Variants in LRRC7 observed in about 807,000 individuals in gnomAD.
The protein encoded by LRRC7 is leucine rich repeat containing 7, also known as leucine-rich repeat-containing protein 7.
LRRC7 carries 23 observed loss-of-function variants against 175.7 expected under a neutral mutation model. The ratio of observed to expected loss-of-function variants is 0.13; its 90% confidence interval spans 0.09 to 0.19. The LOEUF is 0.19. LRRC7 is among the 10% of genes least tolerant of loss of function. The probability of loss-of-function intolerance (pLI) is 1.00; values close to 1 mark genes in which losing one functional copy is unlikely to be tolerated. For missense variants in LRRC7, 1,354 were observed against 1,904.7 expected, an observed-to-expected ratio of 0.71 and a Z score of 5.38; for synonymous variants, 685 against 680.9, an observed-to-expected ratio of 1.01 and a Z score of -0.09.
At chr1:69,940,147 A>AT (rs1243272995) in intron 8 of LRRC7, among the ~76,000 whole-genome samples, 1 of 152,148 alleles carries the variant, frequency 6.6e-6, no homozygotes, top group African/African-American at 2.4e-5. Context: ...GCTGAAACTA[A>AT]TTACAGAGAT....
intron 2 of LRRC7, among the ~76,000 whole-genome samples, chr1:69,729,655 C>A (rs1281467482): frequency 1.3e-5 from 2 of 152,216 alleles, no homozygotes; most frequent in Non-Finnish European, 2.9e-5. Context: ...TACAGCCCCC[C>A]TCCAGGCTGC....
chr1:69,938,864 T>G (rs1484509616), intron 8 of LRRC7, among the ~76,000 whole-genome samples: 1 of 151,304 alleles, frequency 6.6e-6, no homozygotes, highest in Non-Finnish European at 1.5e-5. Flanking sequence ...TACACACTTT[T>G]TAAAAAGAGC....
At position 70,133,684 on chromosome 1, in the gene LRRC7, C is replaced by T. The variant is rs1235537826; in HGVS notation, c.*11797C>T. On this transcript the variant is annotated 3_prime_UTR_variant, in exon 27 of 27. Transcript: ENST00000651989. The stretch of plus-strand genomic sequence containing the variant: ...TAAACCTCTCAGATTGTATCAATCA[C>T]CCAAAACCTAATGAGACAGAAACCA... 6.6e-6 allele frequency among the ~76,000 whole-genome samples: 1 copy of T among 152,146 alleles called. No homozygotes were observed.
chr1:69,952,998 A>G (rs1245872934), intron 8 of LRRC7, among the ~76,000 whole-genome samples: 1 of 91,252 alleles, frequency 1.1e-5, no homozygotes, highest in Non-Finnish European at 1.9e-5. Context: ...GAGACAAGGC[A>G]AAAAAAAAAA....
chr1:69,841,077 G>A (rs749190561), intron 7 of LRRC7, among the ~76,000 whole-genome samples: 3 of 151,998 alleles, frequency 2.0e-5, no homozygotes, highest in Admixed American at 6.6e-5. Flanking sequence ...CTAGATTCTC[G>A]GTGATGCTGT....
At chr1:69,927,541 A>G (rs1647122635) in intron 7 of LRRC7, among the ~76,000 whole-genome samples, 1 of 151,872 alleles carries the variant, frequency 6.6e-6, no homozygotes, top group Non-Finnish European at 1.5e-5. Context: ...TTCCCTTCTC[A>G]CTTCATTTCA....
intron 1 of LRRC7, among the ~76,000 whole-genome samples, chr1:69,568,998 T>C (rs1342676470): frequency 6.6e-6 from 1 of 152,154 alleles, no homozygotes; most frequent in Non-Finnish European, 1.5e-5. Flanking sequence ...TCCTCGTTAT[T>C]ATCTTGGGTA....
intron 7 of LRRC7, among the ~76,000 whole-genome samples, chr1:69,863,214 T>C (rs1283095594): frequency 6.6e-6 from 1 of 152,208 alleles, no homozygotes; most frequent in Admixed American, 6.5e-5. Flanking sequence ...TCCTTTTTTA[T>C]CATTTAAATC....
chr1:69,730,985 A>G (rs935024890), intron 2 of LRRC7, among the ~76,000 whole-genome samples: 3 of 152,078 alleles, frequency 2.0e-5, no homozygotes, highest in Non-Finnish European at 4.4e-5. Context: ...GCCGAGAAAA[A>G]GGGGAAAAAG....
At chr1:69,580,655 A>C (rs1646160251) in intron 1 of LRRC7, among the ~76,000 whole-genome samples, 1 of 152,142 alleles carries the variant, frequency 6.6e-6, no homozygotes, top group Non-Finnish European at 1.5e-5. Flanking sequence ...CAGTTTAATA[A>C]ATTTTACTAA....
chr1:69,795,596 A>C (rs1226079136), intron 4 of LRRC7, among the ~76,000 whole-genome samples: 1 of 152,172 alleles, frequency 6.6e-6, no homozygotes, highest in African/African-American at 2.4e-5. Context: ...GACAGGACAT[A>C]ATAGACTATT....
intron 2 of LRRC7, among the ~76,000 whole-genome samples, chr1:69,678,846 C>G (rs902208177): frequency 1.9e-4 from 29 of 152,214 alleles, no homozygotes; most frequent in African/African-American, 5.5e-4. Flanking sequence ...TCAACACTTT[C>G]CAGTTTCCAT....
At chr1:69,606,653 C>T (rs1460505748) in intron 1 of LRRC7, among the ~76,000 whole-genome samples, 1 of 151,970 alleles carries the variant, frequency 6.6e-6, no homozygotes, top group Non-Finnish European at 1.5e-5. Flanking sequence ...TTATTAAAGG[C>T]TTAAGGTAAA....
intron 1 of LRRC7, among the ~76,000 whole-genome samples, chr1:69,627,409 T>G (rs368489700): frequency 6.6e-6 from 1 of 152,302 alleles, no homozygotes; most frequent in South Asian, 2.1e-4. Flanking sequence ...TCGCCCACTT[T>G]TTGATGGGGT....
Position 70,142,375 on chromosome 1 carries a change from TTC to T in LRRC7, c.*20492_*20493del, listed in dbSNP as rs1667097366. 6.6e-6 allele frequency: 1 copy of T among 152,146 alleles called. No homozygotes were observed. Among genetic ancestry groups the T allele is most frequent in the South Asian group, 2.1e-4 (1 of 4,832 alleles). 9.4% of individuals were successfully genotyped at this position (152,146 alleles called of 1,614,324 possible). A position where few individuals can be genotyped will look rare whatever the true frequency, so the allele number is the denominator to read the frequency against. On this transcript the variant is annotated 3_prime_UTR_variant, in exon 27 of 27. Transcript: ENST00000651989. The stretch of plus-strand genomic sequence containing the variant: ...CTTCGGCTTTATAATGTTTGGGCAT[TTC>T]TCTTTAACATCCTCAAATACACTTT...
At chr1:70,008,948 T>C (rs956888364) in intron 11 of LRRC7, among the ~76,000 whole-genome samples, 2 of 152,194 alleles carry the variant, frequency 1.3e-5, no homozygotes, top group African/African-American at 4.8e-5. Context: ...GAGATGCAGT[T>C]ACTCATCTGA....
At chr1:69,704,403 G>A (rs1013434905) in intron 2 of LRRC7, among the ~76,000 whole-genome samples, 6 of 151,870 alleles carry the variant, frequency 4.0e-5, no homozygotes, top group Non-Finnish European at 8.8e-5. Flanking sequence ...CTGATCTTAA[G>A]GAATAATCCA....
intron 3 of LRRC7, among the ~76,000 whole-genome samples, chr1:69,763,382 G>A (rs1028167243): frequency 2.6e-5 from 4 of 152,164 alleles, no homozygotes; most frequent in Non-Finnish European, 4.4e-5. Flanking sequence ...TTCTGAGAAG[G>A]ACAAAATATG....
intron 4 of LRRC7, among the ~76,000 whole-genome samples, chr1:69,819,394 C>A (rs1186301690): frequency 6.6e-6 from 1 of 151,858 alleles, no homozygotes; most frequent in Non-Finnish European, 1.5e-5. Flanking sequence ...TTAGTGATTT[C>A]TGGTTTTATA....
Sources: gnomAD v4.1 joint callset for allele counts (sites outside exome capture counted in the v4.1 genomes callset) on GRCh38, gnomAD v4.1.1 for gene constraint, MANE v1.5 for transcripts, NCBI Gene and HGNC (gene_info 2026-07-23, HGNC 2026-07-21) for gene names.